Variants in ELP2 observed in about 807,000 individuals in gnomAD.
ELP2 encodes elongator acetyltransferase complex subunit 2.
In ELP2, 90 loss-of-function variants were observed where a neutral mutation model predicts 119.2. The observed-to-expected ratio is 0.75, with a 90% CI of 0.64 to 0.90. ELP2 has a LOEUF of 0.90. ELP2 is among the 40% of genes least tolerant of loss of function. The pLI, the probability that ELP2 is intolerant of heterozygous loss-of-function variation, is 0.00. For synonymous variants in ELP2, 339 were observed against 331.0 expected, an observed-to-expected ratio of 1.02 and a Z score of -0.26; for missense variants, 921 against 967.8, an observed-to-expected ratio of 0.95 and a Z score of 0.64.
rs59728775 is a variant in ELP2 at position 36,163,275 on chromosome 18, G to GGTGTGTGTGTGT, written c.1762-1187_1762-1176dup. 5.4e-3 allele frequency among the ~76,000 whole-genome samples: 783 copies of GGTGTGTGTGTGT among 145,476 alleles called. 8 individuals carry two copies. Among genetic ancestry groups the GGTGTGTGTGTGT allele is most frequent in the African/African-American group, 0.016 (625 of 39,532 alleles). The stretch of plus-strand genomic sequence containing the variant: ...TATGGCCGAGTAGTAGTTCATGGGG[G>GGTGTGTGTGTGT]GTGTGTGTGTGTGTGTGTGTGTGTA... On this transcript the variant is annotated intron_variant, in intron 17 of 21. Coordinates refer to ENST00000358232, the MANE Select transcript of ELP2 (RefSeq NM_018255.4).
intron 21 of ELP2, among the ~76,000 whole-genome samples, chr18:36,173,171 T>C (rs1377438845): frequency 6.6e-6 from 1 of 152,232 alleles, no homozygotes; most frequent in African/African-American, 2.4e-5. Context: ...ATATGTTTAT[T>C]TCCGTGATTT....
At chr18:36,137,805 A>C (rs2089882341) in intron 3 of ELP2, among the ~76,000 whole-genome samples, 2 of 46,004 alleles carry the variant, frequency 4.3e-5, no homozygotes, top group Admixed American at 2.7e-4. Context: ...ATTATCACCA[A>C]AAAAAAAAAA....
In ELP2 at chr18:36,178,625, G is replaced by A. The variant is rs910586887; in HGVS notation, c.*3984G>A. The A allele has an allele frequency of 6.7e-6, 1 of 150,360 alleles. No individual in the cohort carries two copies. Among genetic ancestry groups the A allele is most frequent in the African/African-American group, 2.5e-5 (1 of 40,796 alleles). The allele number at this position is 150,360 out of a possible 1,614,324, so 9.3% of individuals were successfully genotyped here. On this transcript the variant is annotated 3_prime_UTR_variant, in exon 22 of 22. Coordinates refer to ENST00000358232, the MANE Select transcript of ELP2 (RefSeq NM_018255.4). ...GACAGTGGGGCTATGGTTATGATTGGTTTTGTTTTTTTTTTCTCTAGAGAC... is the reference window on the plus strand; with the variant it reads ...GACAGTGGGGCTATGGTTATGATTGATTTTGTTTTTTTTTTCTCTAGAGAC...
chr18:36,166,961 G>A lies in ELP2; in HGVS notation c.1955-140G>A, dbSNP rs548799708. 80 of 852,872 alleles carry A rather than the reference G, an allele frequency of 9.4e-5. No individual in the cohort carries two copies. In the African/African-American group the frequency reaches 1.4e-3, roughly 14 times the overall value. 52.8% of individuals were successfully genotyped at this position (852,872 alleles called of 1,614,324 possible). On this transcript the variant is annotated intron_variant, in intron 18 of 21. Transcript: ENST00000358232. ...CTTCTGGTGAGGGGTTGGTTGCCTGGCTTCAGTCTATTTCAAAAGTCAGTG... is the reference window on the plus strand; with the variant it reads ...CTTCTGGTGAGGGGTTGGTTGCCTGACTTCAGTCTATTTCAAAAGTCAGTG...
chr18:36,133,733 TTTA>T (rs2089718761), intron 2 of ELP2, among the ~76,000 whole-genome samples: 2 of 40,686 alleles, frequency 4.9e-5, no homozygotes, highest in Admixed American at 2.2e-4. Context: ...TATTTATTTA[TTTA>T]TTTTTTTTTT....
At chr18:36,133,995 C>T (rs1389873588) in intron 2 of ELP2, among the ~76,000 whole-genome samples, 4 of 148,866 alleles carry the variant, frequency 2.7e-5, no homozygotes, top group Admixed American at 6.8e-5. Flanking sequence ...CTGCGAGCTC[C>T]GCCTCCCGGG....
chr18:36,156,380 G>A, intron 12 of ELP2, 86 bp from the exon 13 acceptor site: 1 of 1,266,456 alleles, frequency 7.9e-7, no homozygotes, highest in Non-Finnish European at 1.1e-6. Flanking sequence ...TATTTCCATT[G>A]TATAGTAAAT....
At chr18:36,161,551 T>G (rs1330944194) in intron 17 of ELP2, among the ~76,000 whole-genome samples, 1 of 152,212 alleles carries the variant, frequency 6.6e-6, no homozygotes, top group Non-Finnish European at 1.5e-5. Context: ...TAGATGACTT[T>G]TGCATTTACC....
intron 11 of ELP2, among the ~76,000 whole-genome samples, chr18:36,147,928 G>C (rs779526225): frequency 2.0e-5 from 3 of 151,568 alleles, no homozygotes; most frequent in Non-Finnish European, 2.9e-5. Flanking sequence ...GAGAAGGGGT[G>C]CCAAGCTCCC....
chr18:36,162,033 A>G (rs1249716177), intron 17 of ELP2, among the ~76,000 whole-genome samples: 5 of 151,506 alleles, frequency 3.3e-5, no homozygotes, highest in African/African-American at 1.2e-4. Flanking sequence ...TCCTCTAAAC[A>G]TTTTTTAACA....
intron 11 of ELP2, among the ~76,000 whole-genome samples, chr18:36,148,857 T>C (rs1168761517): frequency 1.3e-5 from 2 of 152,074 alleles, no homozygotes; most frequent in Non-Finnish European, 2.9e-5. Flanking sequence ...GCCTGGGTGA[T>C]AGACCAAGAC....
At position 36,174,147 on chromosome 18, in the gene ELP2, A is replaced by G. The variant is rs78015956; in HGVS notation, c.2325-338A>G. 6.9e-3 allele frequency among the ~76,000 whole-genome samples: 1,051 copies of G among 152,336 alleles called. 13 individuals carry two copies. Among genetic ancestry groups the G allele is most frequent in the African/African-American group, 0.023 (975 of 41,564 alleles). On this transcript the variant is annotated intron_variant, in intron 21 of 21. Transcript: ENST00000358232. ...ATTTAGTAATGTTATCTAAAAGACTAACTTGAATATCCATTTCATGAAATT... is the reference window on the plus strand; with the variant it reads ...ATTTAGTAATGTTATCTAAAAGACTGACTTGAATATCCATTTCATGAAATT...
intron 11 of ELP2, among the ~76,000 whole-genome samples, chr18:36,153,051 C>T (rs550440686): frequency 6.6e-6 from 1 of 152,346 alleles, no homozygotes; most frequent in African/African-American, 2.4e-5. Flanking sequence ...GTGGCCTGAG[C>T]TCGCACCCAC....
chr18:36,154,706 CTAT>C lies in ELP2; in HGVS notation c.1126-139_1126-137del. 3 of 808,044 alleles carry C rather than the reference CTAT, an allele frequency of 3.7e-6. No homozygotes were observed. The South Asian group carries it at 4.5e-5, about 12-fold the overall frequency. The allele number at this position is 808,044 out of a possible 1,614,324, so 50.1% of individuals were successfully genotyped here. On this transcript the variant is annotated intron_variant, in intron 11 of 21. Transcript: ENST00000358232. ...TACATGATTGATTGGAAAATGGATC[CTAT>C]TATTCTGTGATCCGATCTTGTATAC...
At chr18:36,145,203 T>G in intron 9 of ELP2, 169 bp downstream of exon 9, 2 of 625,664 alleles carry the variant, frequency 3.2e-6, no homozygotes, top group Non-Finnish European at 5.9e-6. Context: ...GGACACTCAG[T>G]TCCATTGAAC....
At chr18:36,161,583 A>T (rs2090743462) in intron 17 of ELP2, among the ~76,000 whole-genome samples, 2 of 152,252 alleles carry the variant, frequency 1.3e-5, no homozygotes, top group Admixed American at 6.5e-5. Context: ...TCTTGAATTC[A>T]TCATTCAGTA....
rs1457727990 is a variant in ELP2 at position 36,174,739 on chromosome 18, T to C, written c.*98T>C. The C allele has an allele frequency of 9.0e-6, 4 of 444,844 alleles. No homozygotes were observed. The Admixed American group carries it at 1.9e-4, about 21-fold the overall frequency. 27.6% of individuals were successfully genotyped at this position (444,844 alleles called of 1,614,324 possible). ...TTCATAACTGAATTGAGTTTCTGGG[T>C]TTTTTTTTTTTTTGAGATGGAGTCT... On this transcript the variant is annotated 3_prime_UTR_variant, in exon 22 of 22. Coordinates refer to ENST00000358232, the MANE Select transcript of ELP2 (RefSeq NM_018255.4).
chr18:36,166,332 T>G (rs1173433614), intron 18 of ELP2, among the ~76,000 whole-genome samples: 1 of 119,932 alleles, frequency 8.3e-6, no homozygotes, highest in Non-Finnish European at 1.7e-5. Flanking sequence ...TTTTTTTTTT[T>G]TTTTTTTTTT....
At chr18:36,155,050 T>C in intron 12 of ELP2, 51 bp downstream of exon 12, 1 of 1,503,718 alleles carries the variant, frequency 6.7e-7, no homozygotes, top group Non-Finnish European at 9.2e-7. Context: ...GAGTTTCACA[T>C]CACCCAGGCT....
Sources: gnomAD v4.1 joint callset for allele counts (sites outside exome capture counted in the v4.1 genomes callset) on GRCh38, gnomAD v4.1.1 for gene constraint, MANE v1.5 for transcripts, NCBI Gene and HGNC (gene_info 2026-07-23, HGNC 2026-07-21) for gene names.